The following GUCY1B1 variants were observed in gnomAD, a reference collection of about 807,000 sequenced individuals.
GUCY1B1 encodes the protein guanylate cyclase soluble subunit beta-1.
GUCY1B1 carries 43 observed loss-of-function variants against 71.0 expected under a neutral mutation model. The observed-to-expected ratio is 0.61, with a 90% confidence interval of 0.47 to 0.78. The LOEUF is 0.78. GUCY1B1 is among the 30% of genes least tolerant of loss of function. GUCY1B1 has a pLI of 0.00. For synonymous variants in GUCY1B1, 266 were observed against 259.7 expected (o/e 1.02, Z -0.23); for missense variants, 535 against 754.1 (o/e 0.71, Z 3.40).
In GUCY1B1 at chr4:155,803,696, A is replaced by C. The variant is rs368196119; in HGVS notation, c.1486A>C (p.Ile496Leu). 1.2e-4 allele frequency: 195 copies of C among 1,604,630 alleles called. No homozygotes were observed. The highest frequency in any genetic ancestry group is 1.6e-4 in the Non-Finnish European group (191 of 1,175,350). ...GCCATGCATTCACCATGCACGATCC[A>C]TCTGCCACCTGGCCTTGGACATGAT... ...PEPCIHHARS[I>L]CHLALDMMEI... The change falls in exon 11 of 14, where the codon ATC becomes CTC. Residue 496 changes from isoleucine to leucine, a missense_variant. Ile to Leu is a conservative substitution (Grantham distance 5). Coordinates refer to ENST00000264424, the MANE Select transcript of GUCY1B1 (RefSeq NM_000857.5).
Position 155,802,528 on chromosome 4 carries a change from C to T in GUCY1B1, c.1362C>T (p.Tyr454=). The T allele has an allele frequency of 6.2e-7, 1 of 1,612,586 alleles. No homozygotes were observed. Among genetic ancestry groups the T allele is most frequent in the Non-Finnish European group, 8.5e-7 (1 of 1,179,192 alleles). ...TCGTCAACCTCCTCAACGACCTCTA[C>T]ACCAGATTTGACACACTGACTGATT... ...MKIVNLLNDL[Y]TRFDTLTDSR... The change falls in exon 10 of 14, where the codon TAC becomes TAT. Residue 454 remains tyrosine (Y), a synonymous_variant. Coordinates refer to ENST00000264424, the MANE Select transcript of GUCY1B1 (RefSeq NM_000857.5). The surrounding 1 kb of genome is among the most constrained non-coding windows in gnomAD (Gnocchi z 4.3).
chr4:155,776,922 G>A (rs1433946532), intron 3 of GUCY1B1, among the ~76,000 whole-genome samples: 2 of 152,078 alleles, frequency 1.3e-5, no homozygotes. Context: ...TTAAGTACAG[G>A]GTGAGTATCT....
intron 5 of GUCY1B1, among the ~76,000 whole-genome samples, chr4:155,791,187 T>C (rs1252872780): frequency 6.6e-6 from 1 of 150,914 alleles, no homozygotes; most frequent in Non-Finnish European, 1.5e-5. Context: ...CGATCTCCGC[T>C]CACTGCAAGC....
chr4:155,776,720 A>G (rs1738078084), intron 3 of GUCY1B1, among the ~76,000 whole-genome samples: 3 of 152,164 alleles, frequency 2.0e-5, no homozygotes, highest in African/African-American at 7.2e-5. Flanking sequence ...AGGAAATATT[A>G]ATGATTGTTT....
chr4:155,804,786 A>AC, intron 12 of GUCY1B1, 39 bp downstream of exon 12: 1 of 1,552,976 alleles, frequency 6.4e-7, no homozygotes, highest in Non-Finnish European at 8.8e-7. Flanking sequence ...ATTTGCAAAG[A>AC]AAATGTGTCT....
Position 155,796,465 on chromosome 4 carries a change from T to C in GUCY1B1, c.932T>C (p.Ile311Thr). The C allele has an allele frequency of 6.2e-7, 1 of 1,612,030 alleles. No individual in the cohort carries two copies. The highest frequency in any genetic ancestry group is 8.5e-7 in the Non-Finnish European group (1 of 1,178,156). Residue 311 changes from isoleucine (I) to threonine (T), a missense_variant, in exon 8 of 14, where the codon ATC (isoleucine) becomes ACC (threonine). Physicochemically the swap from Ile to Thr is moderately conservative, Grantham distance 89. Coordinates refer to ENST00000264424, the MANE Select transcript of GUCY1B1 (RefSeq NM_000857.5). ...ISCLRLKGQM[I>T]YLPEADSILF... ...TGCTTACGTCTCAAGGGTCAAATGA[T>C]CTACTTACCTGAAGCAGATAGCATA...
chr4:155,804,595 A>G lies in GUCY1B1; in HGVS notation c.1557A>G (p.Ile519Met). 1.9e-6 allele frequency: 3 copies of G among 1,606,146 alleles called. No homozygotes were observed. Among genetic ancestry groups the G allele is most frequent in the Non-Finnish European group, 2.5e-6 (3 of 1,176,588 alleles). ...AAGCAAAGCTTTCTTTTTTGCAGATAACAATAGGGATACACACTGGAGAGG... is the reference window on the plus strand; with the variant it reads ...AAGCAAAGCTTTCTTTTTTGCAGATGACAATAGGGATACACACTGGAGAGG... ...QVQVDGESVQ[I>M]TIGIHTGEVV... The change falls in exon 12 of 14, where the codon ATA becomes ATG. Residue 519 changes from isoleucine (I) to methionine (M), a missense_variant and splice_region_variant. Transcript: ENST00000264424.
At position 155,802,443 on chromosome 4, in the gene GUCY1B1, G is replaced by C; in HGVS notation, c.1277G>C (p.Gly426Ala). The C allele has an allele frequency of 6.2e-7, 1 of 1,613,802 alleles. No homozygotes were observed. The highest frequency in any genetic ancestry group is 8.5e-7 in the Non-Finnish European group (1 of 1,179,786). Residue 426 changes from glycine (G) to alanine (A), a missense_variant, in exon 10 of 14, where the codon GGC becomes GCC. Physicochemically the swap from Gly to Ala is moderately conservative, Grantham distance 60. Coordinates refer to ENST00000264424, the MANE Select transcript of GUCY1B1 (RefSeq NM_000857.5). The surrounding 1 kb of genome is among the most constrained non-coding windows in gnomAD (Gnocchi z 4.3). ...RYDNVTILFSGIVGFNAFCSK... is the reference protein window; with the variant it reads ...RYDNVTILFSAIVGFNAFCSK... ...GACAATGTGACCATCCTCTTTAGTG[G>C]CATTGTGGGCTTCAATGCTTTCTGT...
At chr4:155,785,775 CAA>C (rs1033288847) in intron 4 of GUCY1B1, among the ~76,000 whole-genome samples, 3 of 152,002 alleles carry the variant, frequency 2.0e-5, no homozygotes, top group African/African-American at 4.8e-5. Flanking sequence ...CAAGAAATCC[CAA>C]GAGTATTTTT....
At chr4:155,771,740 A>C (rs1052917045) in intron 2 of GUCY1B1, among the ~76,000 whole-genome samples, 7 of 152,210 alleles carry the variant, frequency 4.6e-5, no homozygotes, top group African/African-American at 1.7e-4. Context: ...GTAAGAAGCT[A>C]TAAAGATATT....
intron 3 of GUCY1B1, among the ~76,000 whole-genome samples, chr4:155,776,677 T>C (rs1333139998): frequency 6.6e-6 from 1 of 151,470 alleles, no homozygotes; most frequent in African/African-American, 2.4e-5. Context: ...CTCAAAAAAC[T>C]AAAAAAAATG....
chr4:155,788,926 A>G lies in GUCY1B1; in HGVS notation c.298-788A>G, dbSNP rs1206325160. The stretch of plus-strand genomic sequence containing the variant: ...TGAAAAATCATCTTGGGCCACATAA[A>G]ATGTATAGCTTACACCGTTTCTTCT... On this transcript the variant is annotated intron_variant, in intron 4 of 13. Coordinates refer to ENST00000264424, the MANE Select transcript of GUCY1B1 (RefSeq NM_000857.5). Among the ~76,000 whole-genome samples the G allele has an allele frequency of 3.3e-5, 5 of 152,164 alleles. No individual in the cohort carries two copies. The South Asian group carries it at 6.2e-4, about 19-fold the overall frequency.
chr4:155,774,362 G>A (rs1579204772), intron 2 of GUCY1B1, among the ~76,000 whole-genome samples: 1 of 152,008 alleles, frequency 6.6e-6, no homozygotes, highest in Admixed American at 6.5e-5. Flanking sequence ...TCTCTAAATT[G>A]CTCGTGGCTT....
chr4:155,768,112 C>A (rs1484466731), intron 2 of GUCY1B1, among the ~76,000 whole-genome samples: 1 of 152,116 alleles, frequency 6.6e-6, no homozygotes. Flanking sequence ...CAAGAGCAGA[C>A]CTTGTGTTGA....
At chr4:155,794,726 C>T (rs895648326) in intron 6 of GUCY1B1, among the ~76,000 whole-genome samples, 2 of 152,036 alleles carry the variant, frequency 1.3e-5, no homozygotes, top group Non-Finnish European at 2.9e-5. Context: ...CAGGATTAGC[C>T]CAGTTGGATC....
At chr4:155,773,433 T>G (rs1041973197) in intron 2 of GUCY1B1, among the ~76,000 whole-genome samples, 1 of 152,216 alleles carries the variant, frequency 6.6e-6, no homozygotes, top group Non-Finnish European at 1.5e-5. Flanking sequence ...ACAATTATAA[T>G]TTTCTTTCAC....
At chr4:155,761,523 T>G (rs1334227101) in intron 2 of GUCY1B1, among the ~76,000 whole-genome samples, 1 of 152,170 alleles carries the variant, frequency 6.6e-6, no homozygotes, top group Non-Finnish European at 1.5e-5. Context: ...AGATTGTATA[T>G]CCTAGCCATT....
At chr4:155,803,946 G>A (rs1335391287) in intron 11 of GUCY1B1, among the ~76,000 whole-genome samples, 182 bp downstream of exon 11, 2 of 152,096 alleles carry the variant, frequency 1.3e-5, no homozygotes, top group Admixed American at 6.6e-5. Context: ...TTATCTACCT[G>A]TTTGAAATTA....
intron 4 of GUCY1B1, 150 bp from the exon 5 acceptor site, chr4:155,789,564 T>C: frequency 2.0e-6 from 1 of 497,610 alleles, no homozygotes; most frequent in Non-Finnish European, 3.5e-6. Flanking sequence ...TTTACAGATA[T>C]CTCAGTGGAG....
Sources: gnomAD v4.1 joint callset for allele counts (sites outside exome capture counted in the v4.1 genomes callset) on GRCh38, gnomAD v4.1.1 for gene constraint, Gnocchi (gnomAD v3.1) non-coding constraint, MANE v1.5 for transcripts, NCBI Gene and HGNC (gene_info 2026-07-23, HGNC 2026-07-21) for gene names.